ERP44: variants seen among roughly 807,000 people sequenced by gnomAD.
The protein encoded by ERP44 is endoplasmic reticulum protein 44, also known as endoplasmic reticulum resident protein 44.
In ERP44, 25 loss-of-function variants were observed where a neutral mutation model predicts 53.4. That is an observed-to-expected ratio of 0.47 (90% CI 0.34 to 0.65). The LOEUF (loss-of-function observed/expected upper bound fraction) is 0.65, where lower values mean the gene tolerates loss of function less well. Among genes scored for constraint, ERP44 ranks in the 30% least tolerant of loss-of-function variants. The pLI is 0.01. For synonymous variants in ERP44, 145 were observed against 161.2 expected (o/e 0.90, Z 0.76); for missense variants, 338 against 493.2 (o/e 0.69, Z 2.98).
At chr9:100,001,435 G>A (rs2118624990) in intron 10 of ERP44, among the ~76,000 whole-genome samples, 1 of 151,944 alleles carries the variant, frequency 6.6e-6, no homozygotes, top group Middle Eastern at 3.4e-3. Context: ...GAAAAAGTAG[G>A]GTATTGAAGT....
intron 4 of ERP44, among the ~76,000 whole-genome samples, chr9:100,040,407 G>A (rs1825888249): frequency 1.3e-5 from 2 of 152,166 alleles, no homozygotes; most frequent in South Asian, 4.2e-4. Context: ...GAAAATGAAG[G>A]ATAAAAAACA....
intron 4 of ERP44, among the ~76,000 whole-genome samples, chr9:100,043,262 A>C (rs1191586941): frequency 1.9e-5 from 2 of 103,132 alleles, no homozygotes; most frequent in Non-Finnish European, 4.1e-5. Flanking sequence ...CTGTCTCAAA[A>C]AAAAAAAAAA....
rs777578595 is a variant in ERP44, at chr9:99,981,866, G to C, written c.*746C>G. 1 of 152,166 alleles carries C rather than the reference G, an allele frequency of 6.6e-6. No individual in the cohort carries two copies. Among genetic ancestry groups the C allele is most frequent in the Non-Finnish European group, 1.5e-5 (1 of 68,032 alleles). The allele number at this position is 152,166 out of a possible 1,614,324, so 9.4% of individuals were successfully genotyped here. On this transcript the variant is annotated 3_prime_UTR_variant, in exon 12 of 12. Transcript: ENST00000262455. ...GTCATCTAGTTCTGATTGGTAGCCTGTTCCACTGTCACCTCCCTGTCCCAG... is the reference window on the plus strand; with the variant it reads ...GTCATCTAGTTCTGATTGGTAGCCTCTTCCACTGTCACCTCCCTGTCCCAG...
chr9:100,006,654 G>T lies in ERP44; in HGVS notation c.875-7C>A. On this transcript the variant is annotated splice_polypyrimidine_tract_variant and splice_region_variant and intron_variant, in intron 9 of 11. Coordinates refer to ENST00000262455, the MANE Select transcript of ERP44 (RefSeq NM_015051.3). ...TGTAAAAAGTTTATTGTACCTTTAAGAAAAAAGAATTTTGAGAGGTAAATT... is the reference window on the plus strand; with the variant it reads ...TGTAAAAAGTTTATTGTACCTTTAATAAAAAAGAATTTTGAGAGGTAAATT... The T allele has an allele frequency of 6.5e-7, 1 of 1,550,218 alleles. No individual in the cohort carries two copies. Among genetic ancestry groups the T allele is most frequent in the South Asian group, 1.2e-5 (1 of 82,710 alleles).
At chr9:100,058,676 CT>C (rs1291453673) in intron 2 of ERP44, among the ~76,000 whole-genome samples, 3 of 152,284 alleles carry the variant, frequency 2.0e-5, no homozygotes, top group Non-Finnish European at 4.4e-5. Context: ...TTATTCCCCC[CT>C]ACAAAAATAA....
chr9:100,042,158 A>T (rs1825911825), intron 4 of ERP44, among the ~76,000 whole-genome samples: 1 of 152,246 alleles, frequency 6.6e-6, no homozygotes, highest in African/African-American at 2.4e-5. Flanking sequence ...CCAACTATCC[A>T]TCTGACAAGG....
At chr9:100,019,975 T>G (rs1306078727) in intron 6 of ERP44, among the ~76,000 whole-genome samples, 7 of 150,336 alleles carry the variant, frequency 4.7e-5, no homozygotes, top group Admixed American at 4.0e-4. Context: ...TTGAAAAAAA[T>G]AAAAAGAAAA....
chr9:100,064,069 A>G (rs1032654655), intron 1 of ERP44, among the ~76,000 whole-genome samples: 1 of 152,232 alleles, frequency 6.6e-6, no homozygotes, highest in Admixed American at 6.5e-5. Context: ...AAAAATTTAT[A>G]TCTCTCCCTG....
At chr9:99,987,083 C>G (rs1175611016) in intron 10 of ERP44, among the ~76,000 whole-genome samples, 2 of 152,288 alleles carry the variant, frequency 1.3e-5, no homozygotes, top group Non-Finnish European at 2.9e-5. Flanking sequence ...CATGAAAACA[C>G]TCAAAACACA....
In ERP44 at chr9:100,016,431, G is replaced by A; in HGVS notation, c.653C>T (p.Ala218Val). 1.3e-6 allele frequency: 2 copies of A among 1,599,920 alleles called. No homozygotes were observed. The highest frequency in any genetic ancestry group is 3.6e-5 in the Admixed American group (2 of 56,280). ...AGCTCCCAAGTACACCATATCCGGA[G>A]CAGAATGCTATTACAAAACAGAAAA... ...NIIYKPPGHS[A>V]PDMVYLGAMT... Residue 218 changes from alanine (A) to valine (V), a missense_variant, in exon 8 of 12, where the codon GCT (alanine) becomes GTT (valine). By Grantham distance (64) the Ala-to-Val change is moderately conservative (BLOSUM62 0). Around this residue, in one of 3 missense-constraint regions of ERP44, gnomAD observed 224 missense variants for 301.4 expected, o/e 0.74. Coordinates refer to ENST00000262455, the MANE Select transcript of ERP44 (RefSeq NM_015051.3).
At chr9:99,999,130 A>C (rs1180114169) in intron 10 of ERP44, 6 of 603,232 alleles carry the variant, frequency 9.9e-6, no homozygotes, top group Non-Finnish European at 1.8e-5. Flanking sequence ...CCTGAGGCAC[A>C]GTGTACCGCG....
At chr9:100,065,414 C>T (rs1826199477) in intron 1 of ERP44, among the ~76,000 whole-genome samples, 1 of 152,080 alleles carries the variant, frequency 6.6e-6, no homozygotes, top group African/African-American at 2.4e-5. Flanking sequence ...CAGAACATAT[C>T]CCCGTCATCA....
intron 1 of ERP44, among the ~76,000 whole-genome samples, chr9:100,094,235 T>C (rs528583573): frequency 4.6e-5 from 7 of 151,874 alleles, no homozygotes; most frequent in Admixed American, 2.6e-4. Context: ...GGGGGAAAAG[T>C]GTGACTAATA....
chr9:99,997,436 G>A (rs1830324584), intron 10 of ERP44, among the ~76,000 whole-genome samples: 1 of 151,938 alleles, frequency 6.6e-6, no homozygotes, highest in East Asian at 1.9e-4. Flanking sequence ...TTAATAAATG[G>A]TTAAAATCGC....
intron 10 of ERP44, among the ~76,000 whole-genome samples, chr9:99,995,941 T>TA (rs1491164202): frequency 7.8e-6 from 1 of 128,850 alleles, no homozygotes; most frequent in Non-Finnish European, 1.7e-5. Context: ...TTTTTTTTTT[T>TA]ATTTTGAGTA....
At chr9:100,037,475 C>T (rs981316654) in intron 4 of ERP44, among the ~76,000 whole-genome samples, 10 of 152,098 alleles carry the variant, frequency 6.6e-5, no homozygotes, top group African/African-American at 1.9e-4. Context: ...ATGGACATGG[C>T]GGGCAGATAT....
At chr9:100,029,653 C>T (rs1825756307) in intron 4 of ERP44, among the ~76,000 whole-genome samples, 1 of 152,210 alleles carries the variant, frequency 6.6e-6, no homozygotes, top group African/African-American at 2.4e-5. Flanking sequence ...CATGATCTAG[C>T]AATTCCATTA....
rs1826342975 is a variant in ERP44, at chr9:100,075,193, T to C, written c.58-15021A>G. ...GCCTGTGCAGAAGATAGATGGATCT[T>C]GGAGAATGACAGAGGATTATCGTAA... On this transcript the variant is annotated intron_variant, in intron 1 of 11. Coordinates refer to ENST00000262455, the MANE Select transcript of ERP44 (RefSeq NM_015051.3). Among the ~76,000 whole-genome samples, 5 of 152,222 alleles carry C rather than the reference T, an allele frequency of 3.3e-5. No individual in the cohort carries two copies. In the South Asian group the frequency reaches 1.0e-3, roughly 31 times the overall value.
Position 99,989,305 on chromosome 9 carries a change from G to T in ERP44, c.1017-4236C>A, listed in dbSNP as rs542778103. ...TAGGAGCCGACTGACACCTCATACA[G>T]CTGGGTGCCCCTCTGAGACGAAGCT... On this transcript the variant is annotated intron_variant, in intron 10 of 11. Coordinates refer to ENST00000262455, the MANE Select transcript of ERP44 (RefSeq NM_015051.3). 7.2e-5 allele frequency among the ~76,000 whole-genome samples: 11 copies of T among 152,292 alleles called. No homozygotes were observed. In the East Asian group the frequency reaches 2.1e-3, roughly 29 times the overall value.
Sources: allele counts gnomAD v4.1 joint callset (sites outside exome capture counted in the v4.1 genomes callset), GRCh38; gene constraint gnomAD v4.1.1; regional missense constraint gnomAD v4.1.1; transcripts MANE v1.5; gene names NCBI Gene and HGNC (gene_info 2026-07-23, HGNC 2026-07-21).